FARS2: variants seen among roughly 807,000 people sequenced by gnomAD.
The protein encoded by FARS2 is phenylalanine--tRNA ligase, mitochondrial.
Under a neutral mutation model 46.4 loss-of-function variants are expected in FARS2, and 40 were observed. That is an observed-to-expected ratio of 0.86 (90% confidence interval 0.67 to 1.12). FARS2 has a LOEUF of 1.12. Among genes scored for constraint, FARS2 ranks in the 50% most tolerant of loss-of-function variants. FARS2 has a pLI of 0.00. For missense variants in FARS2, 513 were observed against 567.9 expected, an observed-to-expected ratio of 0.90 and a Z score of 0.98; for synonymous variants, 234 against 214.9, an observed-to-expected ratio of 1.09 and a Z score of -0.78.
intron 1 of FARS2, among the ~76,000 whole-genome samples, chr6:5,355,826 T>C (rs1445184354): frequency 6.6e-6 from 1 of 152,218 alleles, no homozygotes; most frequent in East Asian, 1.9e-4. Flanking sequence ...ATTCTCTTCC[T>C]TGGAGACACC....
intron 1 of FARS2, among the ~76,000 whole-genome samples, chr6:5,284,580 G>C (rs1766981206): frequency 6.6e-6 from 1 of 152,138 alleles, no homozygotes; most frequent in Non-Finnish European, 1.5e-5. Context: ...TAGTGCTTAT[G>C]TTTTATATGT....
chr6:5,661,530 AG>A (rs937201637), intron 6 of FARS2, among the ~76,000 whole-genome samples: 18 of 152,274 alleles, frequency 1.2e-4, no homozygotes, highest in African/African-American at 4.1e-4. Context: ...TGGGGGAGCC[AG>A]GAGTGAGGAA....
chr6:5,354,463 C>T (rs1447285622), intron 1 of FARS2, among the ~76,000 whole-genome samples: 3 of 151,920 alleles, frequency 2.0e-5, no homozygotes, highest in Middle Eastern at 3.5e-3. Context: ...ATGTTTATAT[C>T]CTCTGTTTAA....
At chr6:5,613,411 G>A in intron 6 of FARS2, 91 bp downstream of exon 6, 1 of 1,100,082 alleles carries the variant, frequency 9.1e-7, no homozygotes, top group Non-Finnish European at 1.3e-6. Flanking sequence ...TGAAACCCAG[G>A]GTATCTGAGA....
At chr6:5,698,364 C>G (rs1399723185) in intron 6 of FARS2, among the ~76,000 whole-genome samples, 1 of 152,202 alleles carries the variant, frequency 6.6e-6, no homozygotes, top group South Asian at 2.1e-4. Flanking sequence ...AGGTGCCACA[C>G]GCACCAGAAT....
chr6:5,760,068 C>G (rs1762404246), intron 6 of FARS2, among the ~76,000 whole-genome samples: 1 of 152,154 alleles, frequency 6.6e-6, no homozygotes, highest in Non-Finnish European at 1.5e-5. Context: ...ATTAATTAGA[C>G]CCAGAGTTCC....
chr6:5,587,161 C>T (rs1773661628), intron 5 of FARS2, among the ~76,000 whole-genome samples: 1 of 152,144 alleles, frequency 6.6e-6, no homozygotes, highest in African/African-American at 2.4e-5. Flanking sequence ...GCCTAATTTT[C>T]TTCATCTATA....
intron 3 of FARS2, among the ~76,000 whole-genome samples, chr6:5,429,532 G>GC (rs1198412567): frequency 2.6e-5 from 4 of 152,288 alleles, no homozygotes; most frequent in African/African-American, 9.6e-5. Flanking sequence ...GGGGCCGAGT[G>GC]CCGTGGCTCC....
intron 6 of FARS2, among the ~76,000 whole-genome samples, chr6:5,769,634 T>G (rs560266648): frequency 6.6e-6 from 1 of 152,244 alleles, no homozygotes; most frequent in East Asian, 1.9e-4. Context: ...AAGAGCCAGG[T>G]GGGGAGAGGA....
chr6:5,421,684 CA>C (rs1409758833), intron 3 of FARS2, among the ~76,000 whole-genome samples: 1 of 152,182 alleles, frequency 6.6e-6, no homozygotes, highest in African/African-American at 2.4e-5. Flanking sequence ...ATCTCTAAAA[CA>C]GAGGCAAAAT....
chr6:5,647,186 G>A (rs1777122604), intron 6 of FARS2, among the ~76,000 whole-genome samples: 1 of 152,164 alleles, frequency 6.6e-6, no homozygotes, highest in Admixed American at 6.5e-5. Flanking sequence ...CCCATCTCAA[G>A]TAGTGAGTCT....
At chr6:5,558,865 T>C (rs187247689) in intron 5 of FARS2, among the ~76,000 whole-genome samples, 22 of 152,256 alleles carry the variant, frequency 1.4e-4, no homozygotes, top group African/African-American at 4.6e-4. Flanking sequence ...TATAATTCAC[T>C]GTCCTTTATG....
chr6:5,681,855 T>C (rs1779049676), intron 6 of FARS2, among the ~76,000 whole-genome samples: 1 of 152,248 alleles, frequency 6.6e-6, no homozygotes. Flanking sequence ...TACATTTGTT[T>C]GGTGCTTGAA....
At chr6:5,597,628 T>C (rs1039114468) in intron 5 of FARS2, among the ~76,000 whole-genome samples, 20 of 152,244 alleles carry the variant, frequency 1.3e-4, no homozygotes, top group Admixed American at 2.6e-4. Context: ...CTGTGAACTT[T>C]GGCGTAGGCT....
intron 6 of FARS2, among the ~76,000 whole-genome samples, chr6:5,740,992 G>T (rs550550359): frequency 1.3e-5 from 2 of 152,282 alleles, no homozygotes; most frequent in South Asian, 4.1e-4. Context: ...ACTTCTGACT[G>T]CCACACTGTT....
intron 4 of FARS2, among the ~76,000 whole-genome samples, chr6:5,459,294 C>T (rs945856282): frequency 1.3e-5 from 2 of 152,192 alleles, no homozygotes; most frequent in African/African-American, 4.8e-5. Context: ...TTGGTATTTT[C>T]ACAACTCTTT....
intron 4 of FARS2, among the ~76,000 whole-genome samples, chr6:5,453,200 G>A (rs1050240375): frequency 6.6e-6 from 1 of 152,182 alleles, no homozygotes; most frequent in African/African-American, 2.4e-5. Context: ...AGTGACATCT[G>A]TAGATACAGA....
intron 6 of FARS2, among the ~76,000 whole-genome samples, chr6:5,730,389 G>C (rs1760546555): frequency 6.6e-6 from 1 of 152,190 alleles, no homozygotes; most frequent in South Asian, 2.1e-4. Context: ...GAAGAGAGAT[G>C]CTGCTTTTTT....
intron 4 of FARS2, among the ~76,000 whole-genome samples, chr6:5,531,276 A>G (rs1345972379): frequency 6.6e-6 from 1 of 152,328 alleles, no homozygotes; most frequent in East Asian, 1.9e-4. Flanking sequence ...ATCACTGTCC[A>G]AACTGCAGAG....
Sources: gnomAD v4.1 joint callset for allele counts (sites outside exome capture counted in the v4.1 genomes callset) on GRCh38, gnomAD v4.1.1 for gene constraint, MANE v1.5 for transcripts, NCBI Gene and HGNC (gene_info 2026-07-23, HGNC 2026-07-21) for gene names.